The following PRLR variants were observed in gnomAD, a reference collection of about 807,000 sequenced individuals.
PRLR encodes hPRL receptor.
In PRLR, 13 loss-of-function variants were observed where a neutral mutation model predicts 40.2. That is an observed-to-expected ratio of 0.32 (90% CI 0.21 to 0.51). PRLR has a LOEUF of 0.51. Ranked by LOEUF, PRLR falls within the 20% of genes least tolerant of loss-of-function variation. The pLI, the probability that PRLR is intolerant of heterozygous loss-of-function variation, is 0.97. For missense variants in PRLR, 656 were observed against 747.3 expected (o/e 0.88, Z 1.42); for synonymous variants, 269 against 278.7 (o/e 0.97, Z 0.35).
chr5:35,180,452 G>A (rs1248172001), intron 1 of PRLR, among the ~76,000 whole-genome samples: 3 of 152,096 alleles, frequency 2.0e-5, no homozygotes, highest in African/African-American at 7.2e-5. Flanking sequence ...TGACATACCT[G>A]TTGCCCCTTT....
At position 35,072,478 on chromosome 5, in the gene PRLR, T is replaced by C; in HGVS notation, c.543+97A>G. The C allele has an allele frequency of 2.2e-6, 3 of 1,387,656 alleles. No individual in the cohort carries two copies. The East Asian group carries it at 6.9e-5, about 32-fold the overall frequency. The allele number at this position is 1,387,656 out of a possible 1,614,324, so 86.0% of individuals were successfully genotyped here. On this transcript the variant is annotated intron_variant, in intron 6 of 9. Coordinates refer to ENST00000618457, the MANE Select transcript of PRLR (RefSeq NM_000949.7). ...ACAACTGCATTGGAGGCCAACACAG[T>C]GACCCAGTAATTAGGAGGAATGACC...
intron 1 of PRLR, among the ~76,000 whole-genome samples, chr5:35,128,649 TA>T (rs946568415): frequency 6.6e-6 from 1 of 152,122 alleles, no homozygotes; most frequent in African/African-American, 2.4e-5. Flanking sequence ...TAAAGCTGCT[TA>T]AAAAATACAA....
At chr5:35,156,143 A>C (rs548306233) in intron 1 of PRLR, among the ~76,000 whole-genome samples, 4 of 150,954 alleles carry the variant, frequency 2.6e-5, no homozygotes, top group South Asian at 2.1e-4. Flanking sequence ...AAAAAAACAA[A>C]AAAAAAAACA....
chr5:35,136,815 C>T (rs1773871920), intron 1 of PRLR, among the ~76,000 whole-genome samples: 1 of 152,158 alleles, frequency 6.6e-6, no homozygotes, highest in African/African-American at 2.4e-5. Flanking sequence ...GATTGCTAAG[C>T]TCCACCCCCA....
At chr5:35,169,702 C>A (rs945742947) in intron 1 of PRLR, among the ~76,000 whole-genome samples, 1 of 152,206 alleles carries the variant, frequency 6.6e-6, no homozygotes, top group Non-Finnish European at 1.5e-5. Context: ...CCAACACCCA[C>A]GAGGGTTAGC....
intron 1 of PRLR, among the ~76,000 whole-genome samples, chr5:35,119,893 C>T (rs771416878): frequency 6.6e-6 from 1 of 152,130 alleles, no homozygotes; most frequent in African/African-American, 2.4e-5. Flanking sequence ...TCGGGGCAGG[C>T]GGGCATAAAG....
chr5:35,218,888 T>C (rs1290082317), intron 1 of PRLR, among the ~76,000 whole-genome samples: 1 of 152,158 alleles, frequency 6.6e-6, no homozygotes, highest in African/African-American at 2.4e-5. Context: ...TCTTCAGTCT[T>C]TGATAAGTGG....
intron 1 of PRLR, among the ~76,000 whole-genome samples, chr5:35,175,502 AGGTCCAG>A (rs1259616316): frequency 2.6e-5 from 4 of 152,348 alleles, no homozygotes; most frequent in Admixed American, 6.5e-5. Context: ...GATGTGTGCT[AGGTCCAG>A]TATATAGTGA....
Position 35,179,140 on chromosome 5 carries a change from A to C in PRLR, c.-106+51128T>G, listed in dbSNP as rs1172912622. Among the ~76,000 whole-genome samples, 4 of 152,226 alleles carry C rather than the reference A, an allele frequency of 2.6e-5. No individual in the cohort carries two copies. The East Asian group carries it at 7.7e-4, about 29-fold the overall frequency. On this transcript the variant is annotated intron_variant, in intron 1 of 9. Coordinates refer to ENST00000618457, the MANE Select transcript of PRLR (RefSeq NM_000949.7). ...ACCACATACCTCTTCATCTCACTAC[A>C]TACAGGCTGATCTCAAAATCTCTCC...
At chr5:35,153,758 TAC>T (rs146437480) in intron 1 of PRLR, among the ~76,000 whole-genome samples, 23 of 140,314 alleles carry the variant, frequency 1.6e-4, no homozygotes, top group African/African-American at 2.4e-4. Flanking sequence ...CTACACACAC[TAC>T]ACACACACAC....
At position 35,063,389 on chromosome 5, in the gene PRLR, A is replaced by G. The variant is rs1242028687; in HGVS notation, c.*1700T>C. Reference sequence around the variant, plus strand: ...CTCTATGTCCAGCTAGTAAATGGACATATAGAATGGATTTACCATCAAGTG... The same window carrying G: ...CTCTATGTCCAGCTAGTAAATGGACGTATAGAATGGATTTACCATCAAGTG... On this transcript the variant is annotated 3_prime_UTR_variant, in exon 10 of 10. Coordinates refer to ENST00000618457, the MANE Select transcript of PRLR (RefSeq NM_000949.7). 6.6e-6 allele frequency: 1 copy of G among 152,206 alleles called. No homozygotes were observed. Among genetic ancestry groups the G allele is most frequent in the Non-Finnish European group, 1.5e-5 (1 of 68,032 alleles). The allele number at this position is 152,206 out of a possible 1,614,324, so 9.4% of individuals were successfully genotyped here. A position where few individuals can be genotyped will look rare whatever the true frequency, so the allele number is the denominator to read the frequency against.
intron 1 of PRLR, among the ~76,000 whole-genome samples, chr5:35,153,151 G>C (rs1265806667): frequency 6.6e-6 from 1 of 152,142 alleles, no homozygotes; most frequent in Admixed American, 6.6e-5. Flanking sequence ...CTTAATAAAG[G>C]ATGGCTATCA....
intron 1 of PRLR, among the ~76,000 whole-genome samples, chr5:35,145,678 C>T (rs1210595714): frequency 2.6e-5 from 4 of 152,184 alleles, no homozygotes; most frequent in Admixed American, 2.6e-4. Context: ...CTTAATTTAC[C>T]TTTGCATCTC....
chr5:35,226,545 T>C (rs1254913291), intron 1 of PRLR, among the ~76,000 whole-genome samples: 2 of 152,258 alleles, frequency 1.3e-5, no homozygotes, highest in Non-Finnish European at 2.9e-5. Flanking sequence ...CTTCAGACTT[T>C]AAGCTTTACT....
intron 1 of PRLR, among the ~76,000 whole-genome samples, chr5:35,205,494 T>C (rs1775992939): frequency 1.3e-5 from 2 of 152,160 alleles, no homozygotes; most frequent in Admixed American, 6.5e-5. Flanking sequence ...GGCTATCCTC[T>C]GCCAAATAGA....
intron 1 of PRLR, among the ~76,000 whole-genome samples, chr5:35,212,490 C>T (rs1473302884): frequency 6.6e-6 from 1 of 152,142 alleles, no homozygotes; most frequent in Non-Finnish European, 1.5e-5. Context: ...TCCTGTACAC[C>T]AAAGAGATTA....
At chr5:35,113,857 C>T (rs567332437) in intron 2 of PRLR, among the ~76,000 whole-genome samples, 2 of 152,338 alleles carry the variant, frequency 1.3e-5, no homozygotes, top group East Asian at 3.9e-4. Context: ...TCTTCTTTAT[C>T]ATAGCCCTGA....
chr5:35,088,114 G>T (rs1195799752), intron 3 of PRLR, among the ~76,000 whole-genome samples: 1 of 152,202 alleles, frequency 6.6e-6, no homozygotes, highest in African/African-American at 2.4e-5. Context: ...TGGCCAGAAA[G>T]AGGAATTTAG....
At chr5:35,157,134 A>G (rs6897987) in intron 1 of PRLR, among the ~76,000 whole-genome samples, 18,243 of 151,940 alleles carry the variant, frequency 0.12, 3,143 homozygotes, top group African/African-American at 0.38. Flanking sequence ...CCTGCCTGAG[A>G]GTTCTGTCCC....
Sources: allele counts gnomAD v4.1 joint callset (sites outside exome capture counted in the v4.1 genomes callset), GRCh38; gene constraint gnomAD v4.1.1; transcripts MANE v1.5; gene names NCBI Gene and HGNC (gene_info 2026-07-23, HGNC 2026-07-21).